Variants in KSR1 observed in about 807,000 individuals in gnomAD.
KSR1 encodes the protein kinase suppressor of ras 1.
Under a neutral mutation model 92.9 loss-of-function variants are expected in KSR1, and 35 were observed. That is an observed-to-expected ratio of 0.38 (90% confidence interval 0.29 to 0.50). The LOEUF (loss-of-function observed/expected upper bound fraction) is 0.50. Among genes scored for constraint, KSR1 ranks in the 20% least tolerant of loss-of-function variants. KSR1 has a pLI of 0.94. For missense variants in KSR1, 972 were observed against 1,158.5 expected, an observed-to-expected ratio of 0.84 and a Z score of 2.34; for synonymous variants, 467 against 472.6, an observed-to-expected ratio of 0.99 and a Z score of 0.15.
chr17:27,610,150 A>C lies in KSR1; in HGVS notation c.2309A>C (p.Asp770Ala). 6.2e-7 allele frequency: 1 copy of C among 1,614,012 alleles called. No individual in the cohort carries two copies. Among genetic ancestry groups the C allele is most frequent in the Non-Finnish European group, 8.5e-7 (1 of 1,179,876 alleles). Reference protein sequence around the residue: ...EIVREMTPGKDEDQLPFSKAA... With the variant: ...EIVREMTPGKAEDQLPFSKAA... ...GTACGCGAGATGACCCCCGGGAAGG[A>C]CGAGGATCAGCTGCCATTCTCCAAA... is the stretch of plus-strand genomic sequence containing the variant. Residue 770 changes from aspartate (D) to alanine (A), a missense_variant, in exon 17 of 21, where the codon GAC (aspartate) becomes GCC (alanine). Around this residue, in one of 5 missense-constraint regions of KSR1, gnomAD observed 260 missense variants for 375.2 expected, o/e 0.69. Coordinates refer to ENST00000644974, the MANE Select transcript of KSR1 (RefSeq NM_001394583.1).
At chr17:27,508,822 C>T (rs576901298) in intron 1 of KSR1, among the ~76,000 whole-genome samples, 105 of 151,886 alleles carry the variant, frequency 6.9e-4, no homozygotes, top group Non-Finnish European at 1.2e-3. Context: ...CTCCACCTCC[C>T]GGGTTCAAGT....
At chr17:27,608,419 G>A (rs1249354990) in intron 15 of KSR1, among the ~76,000 whole-genome samples, 1 of 152,122 alleles carries the variant, frequency 6.6e-6, no homozygotes, top group African/African-American at 2.4e-5. Context: ...CCATGCTGTG[G>A]GGTACACAGG....
rs1170544215 is a variant in KSR1, at chr17:27,475,207, GGGCATGACATTTAGGGA to G, written c.231+18336_231+18352del. On this transcript the variant is annotated intron_variant, in intron 1 of 20. Coordinates refer to ENST00000644974, the MANE Select transcript of KSR1 (RefSeq NM_001394583.1). Reference sequence around the variant, plus strand: ...CAGGGGTGAGGCCACAAGGGGCCCTGGGCATGACATTTAGGGAGGTGCTTGCTTTCCAGTACCCACTG... The same window carrying G: ...CAGGGGTGAGGCCACAAGGGGCCCTGGGTGCTTGCTTTCCAGTACCCACTG... Among the ~76,000 whole-genome samples, 96 of 152,294 alleles carry G rather than the reference GGGCATGACATTTAGGGA, an allele frequency of 6.3e-4. 1 individual carries two copies. In the Middle Eastern group the frequency reaches 0.017, roughly 27 times the overall value.
chr17:27,535,306 C>A (rs1290387889), intron 1 of KSR1, among the ~76,000 whole-genome samples: 1 of 152,108 alleles, frequency 6.6e-6, no homozygotes, highest in Non-Finnish European at 1.5e-5. Context: ...AGTGCTGTGA[C>A]TGAGTGTGAG....
At chr17:27,532,620 C>T (rs1407963702) in intron 1 of KSR1, among the ~76,000 whole-genome samples, 4 of 152,154 alleles carry the variant, frequency 2.6e-5, no homozygotes, top group Admixed American at 1.3e-4. Context: ...TCTTTGTCAG[C>T]GGGTGGGACG....
Position 27,588,456 on chromosome 17 carries a change from C to A in KSR1, c.986-19C>A. On this transcript the variant is annotated intron_variant, in intron 5 of 20. Coordinates refer to ENST00000644974, the MANE Select transcript of KSR1 (RefSeq NM_001394583.1). ...CTGCGGAGTTCCTCAGCCTGCCCAT[C>A]CGGCCTCTTTCCCTGCAGATCTCTC... The A allele has an allele frequency of 6.4e-7, 1 of 1,563,814 alleles. No individual in the cohort carries two copies. Among genetic ancestry groups the A allele is most frequent in the East Asian group, 2.4e-5 (1 of 42,192 alleles).
chr17:27,526,001 T>TCTTTC (rs1491267335), intron 1 of KSR1, among the ~76,000 whole-genome samples: 1 of 91,008 alleles, frequency 1.1e-5, no homozygotes, highest in African/African-American at 6.5e-5. Context: ...ACTTTTCTTT[T>TCTTTC]CTTTTCTTTT....
Position 27,479,032 on chromosome 17 carries a change from G to C in KSR1, c.231+22158G>C, listed in dbSNP as rs2068431775. Among the ~76,000 whole-genome samples, 3 of 147,720 alleles carry C rather than the reference G, an allele frequency of 2.0e-5. No homozygotes were observed. In the South Asian group the frequency reaches 6.5e-4, roughly 32 times the overall value. The stretch of plus-strand genomic sequence containing the variant: ...CCTCTGTGCTCTTCCCTCCCTCCGT[G>C]CTCCTCCCTCCATCCATGCTCCTCC... On this transcript the variant is annotated intron_variant, in intron 1 of 20. Transcript: ENST00000644974.
chr17:27,623,869 A>C lies in KSR1; in HGVS notation c.*477A>C. 2.2e-6 allele frequency: 1 copy of C among 454,356 alleles called. No individual in the cohort carries two copies. The highest frequency in any genetic ancestry group is 4.1e-5 in the Admixed American group (1 of 24,664). The allele number at this position is 454,356 out of a possible 1,614,324, so 28.1% of individuals were successfully genotyped here. A position where few individuals can be genotyped will look rare whatever the true frequency, so the allele number is the denominator to read the frequency against. ...TCTGGCCTCTGCTTTTTGGCCCAAG[A>C]CTCCATCAGGGAAATCTATCTAGGG... On this transcript the variant is annotated 3_prime_UTR_variant, in exon 21 of 21. Transcript: ENST00000644974.
At chr17:27,473,022 G>A (rs1451169135) in intron 1 of KSR1, among the ~76,000 whole-genome samples, 1 of 152,168 alleles carries the variant, frequency 6.6e-6, no homozygotes, top group Admixed American at 6.5e-5. Flanking sequence ...CTCACCTTCA[G>A]CCTCCCAGAT....
chr17:27,579,911 A>AAG (rs35343726), intron 3 of KSR1: 1 of 149,294 alleles, frequency 6.7e-6, no homozygotes. Context: ...AAAAAAAAAA[A>AAG]GTGAGTGAAG....
chr17:27,547,960 GC>G (rs1263893667), intron 1 of KSR1, among the ~76,000 whole-genome samples: 33 of 152,302 alleles, frequency 2.2e-4, no homozygotes, highest in African/African-American at 7.7e-4. Context: ...TGATCCACCT[GC>G]CTTGGCGTCC....
intron 2 of KSR1, among the ~76,000 whole-genome samples, chr17:27,567,163 T>G (rs2072108732): frequency 6.6e-6 from 1 of 152,172 alleles, no homozygotes; most frequent in African/African-American, 2.4e-5. Context: ...TTAGACTGAT[T>G]GTGAAAAGGG....
At chr17:27,599,592 A>G (rs2073473991) in intron 10 of KSR1, among the ~76,000 whole-genome samples, 1 of 152,196 alleles carries the variant, frequency 6.6e-6, no homozygotes, top group South Asian at 2.1e-4. Flanking sequence ...CTTTATTTGT[A>G]GGGGACTGGA....
intron 1 of KSR1, among the ~76,000 whole-genome samples, chr17:27,457,581 G>A (rs187126215): frequency 7.2e-5 from 11 of 152,270 alleles, no homozygotes; most frequent in Non-Finnish European, 1.3e-4. Flanking sequence ...CTGTTTAAAG[G>A]GTTCTGATGG....
chr17:27,590,956 G>A (rs976448122), intron 7 of KSR1, 62 bp downstream of exon 7: 201 of 1,378,582 alleles, frequency 1.5e-4, no homozygotes, highest in Middle Eastern at 3.5e-4. Flanking sequence ...AATCAAATGC[G>A]CTTCCCTATG....
intron 1 of KSR1, among the ~76,000 whole-genome samples, chr17:27,544,462 C>T (rs560438299): frequency 6.6e-6 from 1 of 152,324 alleles, no homozygotes; most frequent in African/African-American, 2.4e-5. Flanking sequence ...TCCTTCGGCC[C>T]CAGATACTTA....
At chr17:27,557,535 A>G (rs1300560598) in intron 2 of KSR1, among the ~76,000 whole-genome samples, 1 of 152,204 alleles carries the variant, frequency 6.6e-6, no homozygotes, top group Non-Finnish European at 1.5e-5. Flanking sequence ...TGACCCAGGC[A>G]GGACCTGAGA....
In KSR1 at chr17:27,612,308, T is replaced by C. The variant is rs116383877; in HGVS notation, c.2493+679T>C. The stretch of plus-strand genomic sequence containing the variant: ...AAAAATGAAGAGGATTACACAATTA[T>C]TTTGACATATTTAGTAGTTTTCCCT... On this transcript the variant is annotated intron_variant, in intron 18 of 20. Coordinates refer to ENST00000644974, the MANE Select transcript of KSR1 (RefSeq NM_001394583.1). Among the ~76,000 whole-genome samples, 145 of 152,348 alleles carry C rather than the reference T, an allele frequency of 9.5e-4. 1 individual carries two copies. The highest frequency in any genetic ancestry group is 3.2e-3 in the African/African-American group (131 of 41,582).
Sources: gnomAD v4.1 joint callset for allele counts (sites outside exome capture counted in the v4.1 genomes callset) on GRCh38, gnomAD v4.1.1 for gene constraint, gnomAD v4.1.1 regional missense constraint, MANE v1.5 for transcripts, NCBI Gene and HGNC (gene_info 2026-07-23, HGNC 2026-07-21) for gene names.